Variants in MEIKIN observed in about 807,000 individuals in gnomAD.
MEIKIN encodes the protein meiosis-specific kinetochore protein.
At chr5:131,887,854 A>T (rs868101199) in intron 8 of MEIKIN, among the ~76,000 whole-genome samples, 151 of 57,334 alleles carry the variant, frequency 2.6e-3, no homozygotes, top group Admixed American at 4.3e-3. Context: ...GCTATCCCTC[A>T]CCCCCTCCCC....
chr5:131,909,661 C>T (rs1751301368), intron 8 of MEIKIN, among the ~76,000 whole-genome samples: 1 of 152,052 alleles, frequency 6.6e-6, no homozygotes, highest in South Asian at 2.1e-4. Context: ...TTGCAAACTA[C>T]TCCACCTAAT....
chr5:131,851,741 A>ATTTGGT (rs1218404041), intron 10 of MEIKIN, among the ~76,000 whole-genome samples: 15 of 152,210 alleles, frequency 9.9e-5, no homozygotes, highest in Non-Finnish European at 2.1e-4. Flanking sequence ...CAGGTTACTG[A>ATTTGGT]AATCACCACA....
At chr5:131,914,346 C>T (rs540528808) in intron 7 of MEIKIN, among the ~76,000 whole-genome samples, 11 of 146,026 alleles carry the variant, frequency 7.5e-5, no homozygotes, top group East Asian at 6.0e-4. Context: ...ATGGTGCCAC[C>T]GCACTCCAGC....
chr5:131,827,894 A>C (rs551575794), intron 11 of MEIKIN, among the ~76,000 whole-genome samples: 1 of 152,266 alleles, frequency 6.6e-6, no homozygotes, highest in East Asian at 1.9e-4. Flanking sequence ...TAAATTCCAA[A>C]ATAATTTGCC....
intron 8 of MEIKIN, among the ~76,000 whole-genome samples, chr5:131,911,248 A>T (rs4280859): frequency 0.36 from 54,507 of 151,838 alleles, 11,660 homozygotes; most frequent in African/African-American, 0.6. Flanking sequence ...AAATATATAT[A>T]CATACAAACA....
chr5:131,896,567 G>A (rs1751055647), intron 8 of MEIKIN, among the ~76,000 whole-genome samples: 2 of 152,168 alleles, frequency 1.3e-5, no homozygotes, highest in South Asian at 2.1e-4. Flanking sequence ...GGGTGCTCCT[G>A]TATTGGATGC....
intron 11 of MEIKIN, among the ~76,000 whole-genome samples, chr5:131,827,129 C>A (rs1291739149): frequency 6.6e-6 from 1 of 152,150 alleles, no homozygotes; most frequent in African/African-American, 2.4e-5. Context: ...GGACTACAGG[C>A]ATGTGCCACA....
intron 8 of MEIKIN, among the ~76,000 whole-genome samples, chr5:131,897,901 C>T (rs960400213): frequency 5.3e-5 from 8 of 152,174 alleles, no homozygotes; most frequent in East Asian, 3.9e-4. Context: ...AGCCTACTTC[C>T]GTCAACTCAT....
chr5:131,889,778 T>C (rs1376748996), intron 8 of MEIKIN, among the ~76,000 whole-genome samples: 2 of 152,202 alleles, frequency 1.3e-5, no homozygotes, highest in Non-Finnish European at 2.9e-5. Context: ...GAGGGCATCT[T>C]TGGCTTGTGC....
chr5:131,886,345 G>A (rs1035733520), intron 8 of MEIKIN, among the ~76,000 whole-genome samples: 2 of 152,010 alleles, frequency 1.3e-5, no homozygotes, highest in African/African-American at 4.8e-5. Flanking sequence ...TTAACCCAAA[G>A]ACTACTTTAA....
chr5:131,911,077 C>T (rs1751328870), intron 8 of MEIKIN, among the ~76,000 whole-genome samples: 1 of 152,060 alleles, frequency 6.6e-6, no homozygotes, highest in South Asian at 2.1e-4. Flanking sequence ...GGTATTGCTC[C>T]TTCCAAGGAT....
chr5:131,872,916 A>T (rs1472589249), intron 9 of MEIKIN, among the ~76,000 whole-genome samples: 329 of 136,638 alleles, frequency 2.4e-3, no homozygotes, highest in African/African-American at 4.0e-3. Flanking sequence ...TAAGTGAAGG[A>T]GAAATAAAAT....
intron 9 of MEIKIN, among the ~76,000 whole-genome samples, chr5:131,861,961 G>C (rs10478992): frequency 0.086 from 13,074 of 152,094 alleles, 1,225 homozygotes; most frequent in African/African-American, 0.24. Context: ...AATGTTAGCC[G>C]CAAAGAGTGA....
chr5:131,816,510 G>C (rs1225525639), intron 12 of MEIKIN, among the ~76,000 whole-genome samples: 2 of 152,150 alleles, frequency 1.3e-5, no homozygotes, highest in Non-Finnish European at 2.9e-5. Flanking sequence ...AGAGTTTCCA[G>C]CCTGCCATAC....
chr5:131,851,542 C>G (rs553027932), intron 10 of MEIKIN, among the ~76,000 whole-genome samples, 159 bp from the exon 11 acceptor site: 2 of 152,304 alleles, frequency 1.3e-5, no homozygotes, highest in South Asian at 4.1e-4. Context: ...TAATTACTGA[C>G]ATTTGGACAT....
intron 7 of MEIKIN, among the ~76,000 whole-genome samples, chr5:131,914,300 C>A (rs1452669446): frequency 6.6e-6 from 1 of 150,822 alleles, no homozygotes; most frequent in African/African-American, 2.4e-5. Flanking sequence ...TGGAGGATCA[C>A]TTGAACCCAG....
chr5:131,845,902 A>G (rs931628692), intron 11 of MEIKIN, among the ~76,000 whole-genome samples: 1 of 152,208 alleles, frequency 6.6e-6, no homozygotes, highest in African/African-American at 2.4e-5. Flanking sequence ...GAAATTTTCC[A>G]AATTTGATAA....
intron 12 of MEIKIN, among the ~76,000 whole-genome samples, chr5:131,813,562 G>A (rs1369444755): frequency 2.0e-5 from 3 of 151,934 alleles, no homozygotes; most frequent in African/African-American, 7.3e-5. Flanking sequence ...GAGTAGCTGG[G>A]ACTACAGGCA....
At position 131,914,893 on chromosome 5, in the gene MEIKIN, G is replaced by C. The variant is rs138593460; in HGVS notation, c.638+1993C>G. Among the ~76,000 whole-genome samples the C allele has an allele frequency of 3.2e-3, 482 of 152,246 alleles. 2 individuals carry two copies. The highest frequency in any genetic ancestry group is 0.011 in the African/African-American group (459 of 41,546). The stretch of plus-strand genomic sequence containing the variant: ...AATAAATGGGAAGATGACATTAGAA[G>C]AGATGAAGAGAAAGTCAAAAGAAGA... On this transcript the variant is annotated intron_variant, in intron 7 of 12. Coordinates refer to ENST00000442687, the MANE Select transcript of MEIKIN (RefSeq NM_001303622.2).
Sources: gnomAD v4.1 joint callset for allele counts (sites outside exome capture counted in the v4.1 genomes callset) on GRCh38, gnomAD v4.1.1 for gene constraint, MANE v1.5 for transcripts, NCBI Gene and HGNC (gene_info 2026-07-23, HGNC 2026-07-21) for gene names.